The following TMTC4 variants were observed in gnomAD, a reference collection of about 807,000 sequenced individuals.
TMTC4 encodes protein O-mannosyl-transferase TMTC4.
In TMTC4, 65 loss-of-function variants were observed where a neutral mutation model predicts 86.0. The ratio of observed to expected loss-of-function variants is 0.76; its 90% CI spans 0.62 to 0.93. The LOEUF is 0.93. Ranked by LOEUF, TMTC4 falls within the 40% of genes least tolerant of loss-of-function variation. The pLI, the probability that TMTC4 is intolerant of heterozygous loss-of-function variation, is 0.00. For synonymous variants in TMTC4, 379 were observed against 382.5 expected, an observed-to-expected ratio of 0.99 and a Z score of 0.11; for missense variants, 866 against 948.1, an observed-to-expected ratio of 0.91 and a Z score of 1.14.
At position 100,635,060 on chromosome 13, in the gene TMTC4, A is replaced by G. The variant is rs1882022055; in HGVS notation, c.1338T>C (p.Phe446=). 6.2e-7 allele frequency: 1 copy of G among 1,613,332 alleles called. No individual in the cohort carries two copies. Among genetic ancestry groups the G allele is most frequent in the African/African-American group, 1.3e-5 (1 of 75,018 alleles). ...PSVGYCVLLT[F]GFGALSKHTK... ...TATGTTTGCTCAGGGCTCCGAATCC[A>G]AAAGTCAGCAGCACACAGTACCCAA... The change falls in exon 11 of 19, where the codon TTT becomes TTC. Residue 446 remains phenylalanine, a synonymous_variant. Transcript: ENST00000342624.
intron 16 of TMTC4, among the ~76,000 whole-genome samples, 162 bp downstream of exon 16, chr13:100,614,154 C>T (rs12868983): frequency 6.6e-6 from 1 of 151,888 alleles, no homozygotes; most frequent in Non-Finnish European, 1.5e-5. Flanking sequence ...ATTCCATTTT[C>T]TAGAGGAATA....
rs542690821 is a variant in TMTC4, at chr13:100,604,222, C to G, written c.*772G>C. The G allele has an allele frequency of 6.6e-6, 1 of 152,608 alleles. No homozygotes were observed. Among genetic ancestry groups the G allele is most frequent in the Non-Finnish European group, 1.5e-5 (1 of 68,050 alleles). The allele number at this position is 152,608 out of a possible 1,614,324, so 9.5% of individuals were successfully genotyped here. ...TACACAGATGTGTTGCCCTCTTCAC[C>G]TTGGATGTAACAAAAATAAAGATGT... On this transcript the variant is annotated 3_prime_UTR_variant, in exon 19 of 19. Transcript: ENST00000342624.
intron 15 of TMTC4, among the ~76,000 whole-genome samples, chr13:100,615,433 GC>G (rs1441724799): frequency 7.0e-6 from 1 of 142,024 alleles, no homozygotes; most frequent in African/African-American, 2.7e-5. Flanking sequence ...GAGCCACCGC[GC>G]CAGGCGTATG....
chr13:100,669,588 G>C (rs1244280667), intron 2 of TMTC4, among the ~76,000 whole-genome samples: 1 of 152,148 alleles, frequency 6.6e-6, no homozygotes, highest in Non-Finnish European at 1.5e-5. Flanking sequence ...TCTCGCCGGG[G>C]ATGCCTGTGC....
intron 1 of TMTC4, chr13:100,674,418 C>G: frequency 1.1e-6 from 1 of 917,864 alleles, no homozygotes; most frequent in Non-Finnish European, 1.3e-6. Context: ...GGAGCGCCGG[C>G]GCGGCTGTGC....
rs1328481469 is a variant in TMTC4, at chr13:100,604,024, A to G, written c.*970T>C. 4.6e-5 allele frequency: 7 copies of G among 152,652 alleles called. No homozygotes were observed. Among genetic ancestry groups the G allele is most frequent in the African/African-American group, 1.7e-4 (7 of 41,466 alleles). The allele number at this position is 152,652 out of a possible 1,614,324, so 9.5% of individuals were successfully genotyped here. A position where few individuals can be genotyped will look rare whatever the true frequency, so the allele number is the denominator to read the frequency against. On this transcript the variant is annotated 3_prime_UTR_variant, in exon 19 of 19. Coordinates refer to ENST00000342624, the MANE Select transcript of TMTC4 (RefSeq NM_032813.5). ...AGCATACAGAGAAGAACAAAACAAA[A>G]CATTGTTTGGATCAAATAAAAAACA...
intron 6 of TMTC4, among the ~76,000 whole-genome samples, chr13:100,643,294 T>C (rs142421825): frequency 6.6e-6 from 1 of 152,228 alleles, no homozygotes; most frequent in Non-Finnish European, 1.5e-5. Context: ...CTCGGTTCAA[T>C]TCCACTTACA....
chr13:100,620,064 A>G (rs1193793107), intron 15 of TMTC4, among the ~76,000 whole-genome samples: 2 of 152,224 alleles, frequency 1.3e-5, no homozygotes, highest in Non-Finnish European at 2.9e-5. Context: ...GAAGGGAACA[A>G]ACTTTCAGGG....
Position 100,614,414 on chromosome 13 carries a change from C to T in TMTC4, c.1853G>A (p.Arg618His), listed in dbSNP as rs374745053. The T allele has an allele frequency of 6.8e-6, 11 of 1,611,436 alleles. No individual in the cohort carries two copies. Among genetic ancestry groups the T allele is most frequent in the African/African-American group, 2.7e-5 (2 of 74,074 alleles). Residue 618 changes from arginine to histidine, a missense_variant, in exon 16 of 19, where the codon CGC (arginine) becomes CAC (histidine). Arg to His is a conservative substitution (Grantham distance 29). Coordinates refer to ENST00000342624, the MANE Select transcript of TMTC4 (RefSeq NM_032813.5). ...CCACGCATTCAAGGCATCCACGTGG[C>T]GATTGAGATCTGCATACTGAAAATA... ...NLGRLYADLN[R>H]HVDALNAWRN...
chr13:100,615,035 G>GT, intron 15 of TMTC4: 1 of 778,652 alleles, frequency 1.3e-6, no homozygotes. Flanking sequence ...GTCTCCTATG[G>GT]TAAGGTAAAA....
At chr13:100,666,720 T>C (rs1030852877) in intron 3 of TMTC4, among the ~76,000 whole-genome samples, 7 of 152,328 alleles carry the variant, frequency 4.6e-5, no homozygotes, top group African/African-American at 1.4e-4. Context: ...GTGCTGGGCA[T>C]GGTGGCTTGC....
At chr13:100,614,189 T>G in intron 16 of TMTC4, 127 bp downstream of exon 16, 1 of 723,482 alleles carries the variant, frequency 1.4e-6, no homozygotes, top group Non-Finnish European at 2.3e-6. Context: ...AGAAAATAAT[T>G]AACTTCACAT....
intron 5 of TMTC4, among the ~76,000 whole-genome samples, chr13:100,659,921 C>A (rs535097067): frequency 6.8e-6 from 1 of 147,376 alleles, no homozygotes; most frequent in Non-Finnish European, 1.5e-5. Context: ...TGGCTGATCA[C>A]CCTAGAAGAC....
chr13:100,645,616 C>T (rs1210838245), intron 6 of TMTC4, among the ~76,000 whole-genome samples: 1 of 151,900 alleles, frequency 6.6e-6, no homozygotes, highest in Non-Finnish European at 1.5e-5. Flanking sequence ...GAGCCCCGTG[C>T]ACCGCTCCAA....
chr13:100,657,019 T>C (rs774140263), intron 5 of TMTC4, among the ~76,000 whole-genome samples: 1 of 152,196 alleles, frequency 6.6e-6, no homozygotes, highest in Non-Finnish European at 1.5e-5. Context: ...TGGATTGGTT[T>C]GAACCTGCTG....
intron 17 of TMTC4, among the ~76,000 whole-genome samples, chr13:100,610,671 G>A (rs1021939185): frequency 3.3e-5 from 5 of 152,216 alleles, no homozygotes; most frequent in African/African-American, 1.2e-4. Context: ...GGGTGGGGGA[G>A]GAAGAACAAC....
chr13:100,670,222 T>C, intron 2 of TMTC4, 138 bp downstream of exon 2: 1 of 891,832 alleles, frequency 1.1e-6, no homozygotes, highest in South Asian at 2.0e-5. Flanking sequence ...TATTTGTTTC[T>C]GGATCTCTAA....
In TMTC4 at chr13:100,655,360, T is replaced by C. The variant is rs374589204; in HGVS notation, c.640+1021A>G. Among the ~76,000 whole-genome samples the C allele has an allele frequency of 1.8e-4, 28 of 152,344 alleles. 1 individual carries two copies. Among genetic ancestry groups the C allele is most frequent in the East Asian group, 1.2e-3 (6 of 5,182 alleles). ...TTTTAAATTTTCTTCAGGAAAAATATGATTTCTGATAAACTGTTATCTGTA... is the reference window on the plus strand; with the variant it reads ...TTTTAAATTTTCTTCAGGAAAAATACGATTTCTGATAAACTGTTATCTGTA... On this transcript the variant is annotated intron_variant, in intron 6 of 18. Transcript: ENST00000342624.
intron 6 of TMTC4, among the ~76,000 whole-genome samples, chr13:100,649,309 C>T (rs949110345): frequency 6.6e-6 from 1 of 152,114 alleles, no homozygotes; most frequent in Non-Finnish European, 1.5e-5. Context: ...AAACTTCTGC[C>T]CACATAATTC....
Sources: allele counts gnomAD v4.1 joint callset (sites outside exome capture counted in the v4.1 genomes callset), GRCh38; gene constraint gnomAD v4.1.1; transcripts MANE v1.5; gene names NCBI Gene and HGNC (gene_info 2026-07-23, HGNC 2026-07-21).